Variants in CPNE4 observed in about 807,000 individuals in gnomAD.
CPNE4 encodes the protein copine-4.
CPNE4 carries 25 observed loss-of-function variants against 67.9 expected under a neutral mutation model. The observed-to-expected ratio is 0.37, with a 90% confidence interval of 0.27 to 0.51. CPNE4 has a LOEUF of 0.51. CPNE4 is among the 20% of genes least tolerant of loss of function. The pLI, the probability that CPNE4 is intolerant of heterozygous loss-of-function variation, is 0.93. For missense variants in CPNE4, 464 were observed against 690.8 expected, an observed-to-expected ratio of 0.67 and a Z score of 3.68; for synonymous variants, 242 against 244.9, an observed-to-expected ratio of 0.99 and a Z score of 0.11.
At chr3:131,581,703 A>C in intron 8 of CPNE4, 38 bp from the exon 9 acceptor site, 2 of 1,470,264 alleles carry the variant, frequency 1.4e-6, no homozygotes, top group Non-Finnish European at 1.9e-6. Context: ...CTGTTCAGGA[A>C]AAAGCTGAGT....
intron 3 of CPNE4, among the ~76,000 whole-genome samples, chr3:131,706,768 C>A (rs2081424169): frequency 6.6e-6 from 1 of 152,198 alleles, no homozygotes; most frequent in Non-Finnish European, 1.5e-5. Flanking sequence ...CTTGGTCTCA[C>A]CAACCCCGTA....
At chr3:131,554,239 C>T (rs559793661) in intron 12 of CPNE4, among the ~76,000 whole-genome samples, 4 of 152,124 alleles carry the variant, frequency 2.6e-5, no homozygotes, top group African/African-American at 9.6e-5. Flanking sequence ...TTTGAAGGGG[C>T]CTATATCTCC....
intron 3 of CPNE4, among the ~76,000 whole-genome samples, chr3:131,713,538 T>C (rs2081610737): frequency 1.3e-5 from 2 of 152,140 alleles, no homozygotes; most frequent in South Asian, 2.1e-4. Flanking sequence ...CATTGACTAT[T>C]AGAACTGGAA....
intron 15 of CPNE4, among the ~76,000 whole-genome samples, chr3:131,538,279 C>G (rs1935281724): frequency 6.6e-6 from 1 of 152,192 alleles, no homozygotes. Flanking sequence ...GACTGAGGAA[C>G]TGAGTTTGAA....
intron 6 of CPNE4, among the ~76,000 whole-genome samples, chr3:131,678,359 T>C (rs1311346419): frequency 6.6e-6 from 1 of 152,180 alleles, no homozygotes; most frequent in Non-Finnish European, 1.5e-5. Context: ...GTTTTCTAGA[T>C]ATAGGATCAT....
In CPNE4 at chr3:131,846,604, T is replaced by C. The variant is rs186894435; in HGVS notation, c.180+58660A>G. Among the ~76,000 whole-genome samples, 3 of 152,254 alleles carry C rather than the reference T, an allele frequency of 2.0e-5. No homozygotes were observed. The East Asian group carries it at 5.8e-4, about 29-fold the overall frequency. ...CTGCTCAGGAAGTGGATAAAGGTAA[T>C]GAATCAGACAGAATTTATTAGAAAT... On this transcript the variant is annotated intron_variant, in intron 2 of 15. Coordinates refer to ENST00000429747, the MANE Select transcript of CPNE4 (RefSeq NM_130808.3).
At chr3:131,676,636 T>C (rs1487622689) in intron 6 of CPNE4, among the ~76,000 whole-genome samples, 1 of 152,210 alleles carries the variant, frequency 6.6e-6, no homozygotes, top group Non-Finnish European at 1.5e-5. Context: ...ATGCTGTATT[T>C]GGTCTTCTGT....
At chr3:131,607,544 C>T (rs552686204) in intron 7 of CPNE4, among the ~76,000 whole-genome samples, 5 of 152,218 alleles carry the variant, frequency 3.3e-5, no homozygotes, top group East Asian at 1.9e-4. Context: ...TAACATTCAA[C>T]GTATTTTCAA....
chr3:131,681,333 T>C (rs2080749211), intron 6 of CPNE4, among the ~76,000 whole-genome samples: 1 of 152,192 alleles, frequency 6.6e-6, no homozygotes, highest in Admixed American at 6.5e-5. Context: ...ATGAAATCCC[T>C]CAGCTTTTGT....
intron 1 of CPNE4, among the ~76,000 whole-genome samples, chr3:131,939,379 G>A (rs759378772): frequency 3.9e-5 from 6 of 152,124 alleles, no homozygotes; most frequent in Non-Finnish European, 5.9e-5. Flanking sequence ...AATAAACAGT[G>A]AATGTTATCT....
chr3:131,804,416 G>A (rs186380494), intron 2 of CPNE4, among the ~76,000 whole-genome samples: 5 of 152,186 alleles, frequency 3.3e-5, no homozygotes. Context: ...CCCGAGGTAT[G>A]ACTCGAGCCT....
At chr3:131,601,820 G>A (rs12107055) in intron 7 of CPNE4, among the ~76,000 whole-genome samples, 116 of 152,200 alleles carry the variant, frequency 7.6e-4, no homozygotes, top group African/African-American at 2.5e-3. Context: ...TATAGGACTC[G>A]TGCTATGCTT....
At chr3:131,974,473 C>G (rs2072591542) in intron 1 of CPNE4, among the ~76,000 whole-genome samples, 1 of 152,148 alleles carries the variant, frequency 6.6e-6, no homozygotes, top group Admixed American at 6.5e-5. Flanking sequence ...GCTTAAATGA[C>G]TCTAACAGAT....
At chr3:131,947,317 T>C (rs1269110133) in intron 1 of CPNE4, among the ~76,000 whole-genome samples, 1 of 152,154 alleles carries the variant, frequency 6.6e-6, no homozygotes, top group African/African-American at 2.4e-5. Context: ...TTGCTGCACC[T>C]ATCAACCCAT....
At chr3:131,933,137 G>T (rs1303444070) in intron 1 of CPNE4, among the ~76,000 whole-genome samples, 3 of 152,126 alleles carry the variant, frequency 2.0e-5, no homozygotes, top group African/African-American at 7.2e-5. Flanking sequence ...GAAGATTCTG[G>T]ATTTTAAGGG....
At chr3:131,987,387 AT>A (rs552601179) in intron 1 of CPNE4, among the ~76,000 whole-genome samples, 11,833 of 143,522 alleles carry the variant, frequency 0.082, 932 homozygotes, top group African/African-American at 0.22. Context: ...AGTTGTACAG[AT>A]TTTTTTTTTT....
chr3:131,717,250 T>C (rs1464510620), intron 3 of CPNE4, among the ~76,000 whole-genome samples: 6 of 152,136 alleles, frequency 3.9e-5, no homozygotes, highest in Admixed American at 3.9e-4. Context: ...TTTTTTTTTT[T>C]TTTCTTAAAG....
chr3:131,881,199 A>G (rs1237117869), intron 2 of CPNE4, among the ~76,000 whole-genome samples: 1 of 152,194 alleles, frequency 6.6e-6, no homozygotes, highest in African/African-American at 2.4e-5. Flanking sequence ...AACAATAACC[A>G]AACATCTCCC....
intron 7 of CPNE4, among the ~76,000 whole-genome samples, chr3:131,662,693 C>G (rs1430953329): frequency 2.6e-5 from 4 of 152,048 alleles, no homozygotes; most frequent in African/African-American, 7.2e-5. Context: ...ATTTATGCAG[C>G]CAAAAAACAT....
Sources: allele counts gnomAD v4.1 joint callset (sites outside exome capture counted in the v4.1 genomes callset), GRCh38; gene constraint gnomAD v4.1.1; transcripts MANE v1.5; gene names NCBI Gene and HGNC (gene_info 2026-07-23, HGNC 2026-07-21).